Variants in ILRUN observed in about 807,000 individuals in gnomAD.
ILRUN encodes protein ILRUN.
A neutral mutation model predicts 33.8 loss-of-function variants in ILRUN; 3 were observed. The ratio of observed to expected loss-of-function variants is 0.09; its 90% CI spans 0.04 to 0.23. ILRUN has a LOEUF of 0.23. Among genes scored for constraint, ILRUN ranks in the 10% least tolerant of loss-of-function variants. The pLI, the probability that ILRUN is intolerant of heterozygous loss-of-function variation, is 1.00. For missense variants in ILRUN, 210 were observed against 375.1 expected, an observed-to-expected ratio of 0.56 and a Z score of 3.64; for synonymous variants, 124 against 138.9, an observed-to-expected ratio of 0.89 and a Z score of 0.75.
intron 1 of ILRUN, among the ~76,000 whole-genome samples, chr6:34,689,660 G>A (rs919974318): frequency 1.3e-5 from 2 of 151,920 alleles, no homozygotes; most frequent in African/African-American, 4.8e-5. Context: ...ACGGGTGACT[G>A]AGAAATGGAT....
At position 34,657,217 on chromosome 6, in the gene ILRUN, G is replaced by A. The variant is rs1762789566; in HGVS notation, c.159-2438C>T. ...TTTTGCAGCAGGTCTTCAGTAAGTA[G>A]CCTGCTGAATTGTTTTCTGTTCACT... On this transcript the variant is annotated intron_variant, in intron 1 of 4. Coordinates refer to ENST00000374023, the MANE Select transcript of ILRUN (RefSeq NM_024294.4). 2.0e-5 allele frequency among the ~76,000 whole-genome samples: 3 copies of A among 152,120 alleles called. No individual in the cohort carries two copies. The South Asian group carries it at 6.2e-4, about 31-fold the overall frequency.
At chr6:34,614,478 T>A (rs1188321710) in intron 3 of ILRUN, among the ~76,000 whole-genome samples, 1 of 141,396 alleles carries the variant, frequency 7.1e-6, no homozygotes, top group Non-Finnish European at 1.5e-5. Flanking sequence ...ATATATTTTT[T>A]ATATATTATT....
intron 3 of ILRUN, among the ~76,000 whole-genome samples, chr6:34,631,164 T>C (rs928181008): frequency 6.6e-6 from 1 of 152,210 alleles, no homozygotes; most frequent in African/African-American, 2.4e-5. Flanking sequence ...TTCTTGCTTT[T>C]TAGTATACCC....
intron 4 of ILRUN, among the ~76,000 whole-genome samples, chr6:34,591,115 C>A (rs530863646): frequency 6.6e-6 from 1 of 152,326 alleles, no homozygotes; most frequent in Non-Finnish European, 1.5e-5. Context: ...TAATTCTCAC[C>A]TCTTCCCTAA....
chr6:34,662,018 G>A lies in ILRUN; in HGVS notation c.159-7239C>T, dbSNP rs1239438337. Among the ~76,000 whole-genome samples the A allele has an allele frequency of 7.6e-5, 11 of 143,906 alleles. No individual in the cohort carries two copies. The East Asian group carries it at 1.0e-3, about 14-fold the overall frequency. The allele number at this position is 143,906 out of a possible 152,430, so 94.4% of individuals were successfully genotyped here. A position where few individuals can be genotyped will look rare whatever the true frequency, so the allele number is the denominator to read the frequency against. The stretch of plus-strand genomic sequence containing the variant: ...CGGGCGCCTGTAGTCCCAGCTGCTC[G>A]GGAGGCTGAGGCAGGAGAATGGCGT... On this transcript the variant is annotated intron_variant, in intron 1 of 4. Transcript: ENST00000374023.
Position 34,595,821 on chromosome 6 carries a change from T to A in ILRUN, c.862-5221A>T, listed in dbSNP as rs370972418. Reference sequence around the variant, plus strand: ...TTTGTTGTATGGCTGAGAAATAATATGCTCTCTTGGTGTATACTGATGGCA... The same window carrying A: ...TTTGTTGTATGGCTGAGAAATAATAAGCTCTCTTGGTGTATACTGATGGCA... On this transcript the variant is annotated intron_variant, in intron 4 of 4. Transcript: ENST00000374023. The A allele has an allele frequency of 3.0e-6, 3 of 985,456 alleles. No individual in the cohort carries two copies. The Admixed American group carries it at 1.8e-4, about 60-fold the overall frequency. 61.0% of individuals were successfully genotyped at this position (985,456 alleles called of 1,614,324 possible).
intron 1 of ILRUN, among the ~76,000 whole-genome samples, chr6:34,677,215 G>A (rs1413758385): frequency 6.6e-6 from 1 of 152,080 alleles, no homozygotes; most frequent in Non-Finnish European, 1.5e-5. Flanking sequence ...GATGAGGCAG[G>A]AGAGTCACTT....
intron 1 of ILRUN, among the ~76,000 whole-genome samples, chr6:34,674,939 C>T (rs1763196456): frequency 6.6e-6 from 1 of 152,042 alleles, no homozygotes; most frequent in East Asian, 1.9e-4. Context: ...TAAATTCTGA[C>T]TGAGGCCCTG....
At chr6:34,662,793 T>C (rs1441415414) in intron 1 of ILRUN, among the ~76,000 whole-genome samples, 3 of 152,156 alleles carry the variant, frequency 2.0e-5, no homozygotes, top group Non-Finnish European at 2.9e-5. Context: ...ATCGGTAAGA[T>C]GGGCCAGGCA....
intron 3 of ILRUN, among the ~76,000 whole-genome samples, chr6:34,612,626 G>T (rs1761780714): frequency 6.6e-6 from 1 of 152,140 alleles, no homozygotes; most frequent in Admixed American, 6.5e-5. Flanking sequence ...TATAAAAGAG[G>T]CCAGGTACAG....
intron 1 of ILRUN, among the ~76,000 whole-genome samples, chr6:34,669,534 A>C (rs576673320): frequency 1.9e-4 from 29 of 152,242 alleles, no homozygotes; most frequent in South Asian, 6.2e-4. Context: ...CCAGAACCAC[A>C]CAACTTGTAC....
At position 34,606,753 on chromosome 6, in the gene ILRUN, T is replaced by A; in HGVS notation, c.663A>T (p.Gln221His). ...NPFASPQKNR[Q>H]SDENNLKDPG... ...GGTCTTTTAAGTTGTTTTCATCTGA[T>A]TGTCGGTTCTTTTGGGGAGAGGCAA... The change falls in exon 4 of 5, where the codon CAA (glutamine) becomes CAT (histidine). Residue 221 changes from glutamine (Q) to histidine (H), a missense_variant. Gln to His is a conservative substitution (Grantham distance 24). Around this residue, in one of 4 missense-constraint regions of ILRUN, gnomAD observed 81 missense variants for 97.0 expected, o/e 0.84. Transcript: ENST00000374023. 1 of 1,614,176 alleles carries A rather than the reference T, an allele frequency of 6.2e-7. No individual in the cohort carries two copies. The highest frequency in any genetic ancestry group is 8.5e-7 in the Non-Finnish European group (1 of 1,180,024).
At chr6:34,669,100 C>T (rs571877862) in intron 1 of ILRUN, among the ~76,000 whole-genome samples, 1 of 152,028 alleles carries the variant, frequency 6.6e-6, no homozygotes, top group Admixed American at 6.6e-5. Flanking sequence ...CCATCTTGGC[C>T]TCCCAAAGTG....
At chr6:34,616,120 G>C (rs957214022) in intron 3 of ILRUN, among the ~76,000 whole-genome samples, 31 of 152,214 alleles carry the variant, frequency 2.0e-4, no homozygotes, top group African/African-American at 7.2e-4. Flanking sequence ...TAAAGGTATA[G>C]CTGAGACTAA....
chr6:34,648,799 C>G (rs1762606654), intron 2 of ILRUN, among the ~76,000 whole-genome samples: 1 of 152,180 alleles, frequency 6.6e-6, no homozygotes, highest in Admixed American at 6.5e-5. Flanking sequence ...CATACACACA[C>G]ATACACATAC....
chr6:34,686,965 G>T, intron 1 of ILRUN: 1 of 194,278 alleles, frequency 5.1e-6, no homozygotes. Flanking sequence ...CCCAGAAAAA[G>T]GTTAAAACTA....
chr6:34,659,809 C>T (rs777463272), intron 1 of ILRUN, among the ~76,000 whole-genome samples: 31 of 151,466 alleles, frequency 2.0e-4, no homozygotes, highest in Non-Finnish European at 3.8e-4. Context: ...TTAGTAGAGA[C>T]GGGGTTTCTC....
intron 3 of ILRUN, among the ~76,000 whole-genome samples, chr6:34,614,460 T>C (rs867839144): frequency 1.5e-5 from 2 of 129,684 alleles, no homozygotes; most frequent in Non-Finnish European, 3.2e-5. Context: ...ATATATAAAA[T>C]GTATATTATA....
At chr6:34,607,120 A>C (rs1761650782) in intron 3 of ILRUN, among the ~76,000 whole-genome samples, 1 of 152,258 alleles carries the variant, frequency 6.6e-6, no homozygotes, top group East Asian at 1.9e-4. Context: ...GTATAAATTC[A>C]GCAGAGGTCT....
Sources: allele counts gnomAD v4.1 joint callset (sites outside exome capture counted in the v4.1 genomes callset), GRCh38; gene constraint gnomAD v4.1.1; regional missense constraint gnomAD v4.1.1; transcripts MANE v1.5; gene names NCBI Gene and HGNC (gene_info 2026-07-23, HGNC 2026-07-21).